ZNF385D: variants seen among roughly 807,000 people sequenced by gnomAD.
ZNF385D encodes zinc finger protein 385D, also known as zinc finger protein 659.
Under a neutral mutation model 35.8 loss-of-function variants are expected in ZNF385D, and 15 were observed. The ratio of observed to expected loss-of-function variants is 0.42; its 90% CI spans 0.28 to 0.64. The LOEUF (loss-of-function observed/expected upper bound fraction) is 0.64, where lower values mean the gene tolerates loss of function less well. Among genes scored for constraint, ZNF385D ranks in the 30% least tolerant of loss-of-function variants. The probability of loss-of-function intolerance (pLI) is 0.23; values close to 1 mark genes in which losing one functional copy is unlikely to be tolerated. For missense variants in ZNF385D, 474 were observed against 494.6 expected (o/e 0.96, Z 0.39); for synonymous variants, 212 against 186.8 (o/e 1.13, Z -1.10).
chr3:21,674,770 C>A (rs181971541), intron 1 of ZNF385D, among the ~76,000 whole-genome samples: 189 of 152,170 alleles, frequency 1.2e-3, no homozygotes, highest in African/African-American at 4.3e-3. Flanking sequence ...ACTTACTTGA[C>A]TTTGTATCTG....
intron 5 of ZNF385D, among the ~76,000 whole-genome samples, chr3:21,433,005 A>G (rs2125223008): frequency 6.6e-6 from 1 of 152,266 alleles, no homozygotes; most frequent in Admixed American, 6.5e-5. Context: ...TAAAAATGCC[A>G]TTATGGCTTC....
At chr3:22,179,582 T>G (rs1406641064) in intron 2 of ZNF385D, among the ~76,000 whole-genome samples, 1 of 143,728 alleles carries the variant, frequency 7.0e-6, no homozygotes, top group Non-Finnish European at 1.5e-5. Flanking sequence ...CTTTATTTCC[T>G]TCTCCTGCCT....
intron 3 of ZNF385D, among the ~76,000 whole-genome samples, chr3:21,764,142 T>C (rs1286066075): frequency 6.6e-6 from 1 of 152,078 alleles, no homozygotes; most frequent in Non-Finnish European, 1.5e-5. Context: ...TTGAGATTCA[T>C]CAGAAATTAG....
At chr3:21,849,963 C>T (rs1038322788) in intron 3 of ZNF385D, among the ~76,000 whole-genome samples, 11 of 151,932 alleles carry the variant, frequency 7.2e-5, no homozygotes, top group African/African-American at 2.2e-4. Flanking sequence ...ATGCTAGTCT[C>T]GAACTCCTGG....
chr3:21,985,214 G>C (rs1316444556), intron 3 of ZNF385D, among the ~76,000 whole-genome samples: 1 of 85,056 alleles, frequency 1.2e-5, no homozygotes, highest in Non-Finnish European at 2.4e-5. Flanking sequence ...TTGAATAGGA[G>C]TGGTGAGAGA....
chr3:21,591,194 CAA>C (rs2063966793), intron 2 of ZNF385D, among the ~76,000 whole-genome samples: 1 of 151,950 alleles, frequency 6.6e-6, no homozygotes. Flanking sequence ...CATCTCAAAA[CAA>C]AACAAAGTTT....
At chr3:21,978,743 T>C (rs974272558) in intron 3 of ZNF385D, among the ~76,000 whole-genome samples, 1 of 152,162 alleles carries the variant, frequency 6.6e-6, no homozygotes, top group African/African-American at 2.4e-5. Context: ...ATTGGCAAAT[T>C]AACACCTTGA....
intron 2 of ZNF385D, among the ~76,000 whole-genome samples, chr3:22,354,541 T>C (rs1423929984): frequency 1.3e-5 from 2 of 152,140 alleles, no homozygotes; most frequent in African/African-American, 2.4e-5. Context: ...AATTAAATTG[T>C]ATTCATTCAA....
intron 2 of ZNF385D, among the ~76,000 whole-genome samples, chr3:22,173,670 T>G (rs1294853154): frequency 6.6e-6 from 1 of 152,166 alleles, no homozygotes; most frequent in Non-Finnish European, 1.5e-5. Flanking sequence ...AAACATTCAC[T>G]GCTTCATGTG....
At chr3:22,154,535 T>G (rs1010809100) in intron 3 of ZNF385D, among the ~76,000 whole-genome samples, 4 of 152,198 alleles carry the variant, frequency 2.6e-5, no homozygotes, top group African/African-American at 9.6e-5. Context: ...CTGATCTCTT[T>G]GCTTTGCACA....
chr3:21,792,477 G>A (rs1430082029), intron 3 of ZNF385D, among the ~76,000 whole-genome samples: 2 of 152,160 alleles, frequency 1.3e-5, no homozygotes, highest in Non-Finnish European at 2.9e-5. Context: ...GGCTACAATG[G>A]CACAGTTGAG....
At chr3:21,773,437 AG>A (rs2125617724) in intron 3 of ZNF385D, among the ~76,000 whole-genome samples, 1 of 152,124 alleles carries the variant, frequency 6.6e-6, no homozygotes, top group South Asian at 2.1e-4. Context: ...ATTAAACTAA[AG>A]AGCTTCTGCA....
At chr3:21,961,177 G>T (rs914254256) in intron 3 of ZNF385D, among the ~76,000 whole-genome samples, 1 of 151,964 alleles carries the variant, frequency 6.6e-6, no homozygotes, top group Non-Finnish European at 1.5e-5. Context: ...TCTGTATGCC[G>T]TAAGTATGTG....
rs568827399 is a variant in ZNF385D, at chr3:22,109,166, A to G, written c.325+59651T>C. 2.0e-5 allele frequency among the ~76,000 whole-genome samples: 3 copies of G among 152,324 alleles called. No homozygotes were observed. The East Asian group carries it at 5.8e-4, about 29-fold the overall frequency. On this transcript the variant is annotated intron_variant, in intron 3 of 5. Coordinates refer to the ZNF385D transcript ENST00000494108. ...TTTGACTTCTGCTCCTTCAAGCTGC[A>G]GATAACTAAAATCAACTCTTGCTGA...
chr3:21,751,162 A>G lies in ZNF385D; in HGVS notation c.-246T>C. The stretch of plus-strand genomic sequence containing the variant: ...TGCTGCACTGCCCATCCTTACTGTA[A>G]TCCGACTCCTCCTTGCGATGTCCTT... On this transcript the variant is annotated 5_prime_UTR_variant, in exon 1 of 8. Coordinates refer to ENST00000281523, the MANE Select transcript of ZNF385D (RefSeq NM_024697.3). 7.1e-7 allele frequency: 1 copy of G among 1,413,356 alleles called. No individual in the cohort carries two copies. Among genetic ancestry groups the G allele is most frequent in the Non-Finnish European group, 9.2e-7 (1 of 1,084,440 alleles). The allele number at this position is 1,413,356 out of a possible 1,614,324, so 87.6% of individuals were successfully genotyped here.
chr3:22,101,001 G>T (rs559516792), intron 3 of ZNF385D, among the ~76,000 whole-genome samples: 45 of 151,956 alleles, frequency 3.0e-4, no homozygotes, highest in East Asian at 2.3e-3. Flanking sequence ...CAATACATGC[G>T]CCTGTTATAA....
At chr3:21,796,330 C>T (rs1008545742) in intron 3 of ZNF385D, among the ~76,000 whole-genome samples, 6 of 152,152 alleles carry the variant, frequency 3.9e-5, no homozygotes, top group Non-Finnish European at 7.4e-5. Flanking sequence ...CCAACAAGAA[C>T]ACCACAAGAA....
chr3:22,207,534 A>G (rs1373498382), intron 2 of ZNF385D, among the ~76,000 whole-genome samples: 1 of 151,968 alleles, frequency 6.6e-6, no homozygotes. Flanking sequence ...GACTGGGCAA[A>G]GATTTCTTGA....
At chr3:21,673,662 T>A (rs2066641415) in intron 1 of ZNF385D, among the ~76,000 whole-genome samples, 1 of 152,086 alleles carries the variant, frequency 6.6e-6, no homozygotes, top group Non-Finnish European at 1.5e-5. Context: ...GCAATGATGA[T>A]CATACTCAAA....
Sources: gnomAD v4.1 joint callset for allele counts (sites outside exome capture counted in the v4.1 genomes callset) on GRCh38, gnomAD v4.1.1 for gene constraint, MANE v1.5 for transcripts, NCBI Gene and HGNC (gene_info 2026-07-23, HGNC 2026-07-21) for gene names.